KCNIP4: variants seen among roughly 807,000 people sequenced by gnomAD.
KCNIP4 encodes Kv channel-interacting protein 4.
Under a neutral mutation model 34.0 loss-of-function variants are expected in KCNIP4, and 12 were observed. That is an observed-to-expected ratio of 0.35 (90% confidence interval 0.23 to 0.57). The LOEUF (loss-of-function observed/expected upper bound fraction) is 0.57. KCNIP4 is among the 20% of genes least tolerant of loss of function. The probability of loss-of-function intolerance (pLI) is 0.83; values close to 1 mark genes in which losing one functional copy is unlikely to be tolerated. For synonymous variants in KCNIP4, 124 were observed against 102.2 expected, an observed-to-expected ratio of 1.21 and a Z score of -1.29; for missense variants, 238 against 311.7, an observed-to-expected ratio of 0.76 and a Z score of 1.78.
chr4:21,755,927 A>T (rs903041866), intron 1 of KCNIP4, among the ~76,000 whole-genome samples: 1 of 152,102 alleles, frequency 6.6e-6, no homozygotes, highest in African/African-American at 2.4e-5. Flanking sequence ...AATAAATTGC[A>T]TTTTCCCTTA....
chr4:21,708,296 C>A lies in KCNIP4; in HGVS notation c.61+240275G>T, dbSNP rs73256529. Among the ~76,000 whole-genome samples the A allele has an allele frequency of 4.7e-3, 708 of 152,156 alleles. 4 individuals are homozygous for A. Among genetic ancestry groups the A allele is most frequent in the Non-Finnish European group, 7.5e-3 (512 of 68,004 alleles). Reference sequence around the variant, plus strand: ...ACTTAATTGTATTTACACTCTTACCCATTTTTTCTCAAAGTACAATGTTTG... The same window carrying A: ...ACTTAATTGTATTTACACTCTTACCAATTTTTTCTCAAAGTACAATGTTTG... On this transcript the variant is annotated intron_variant, in intron 1 of 8. Transcript: ENST00000382152.
At chr4:21,205,042 C>G (rs945003922) in intron 1 of KCNIP4, among the ~76,000 whole-genome samples, 1 of 152,158 alleles carries the variant, frequency 6.6e-6, no homozygotes, top group African/African-American at 2.4e-5. Flanking sequence ...CTGTGGCAGA[C>G]TTAACTGTGA....
intron 5 of KCNIP4, among the ~76,000 whole-genome samples, chr4:20,749,036 T>C (rs1466458673): frequency 6.6e-6 from 1 of 151,736 alleles, no homozygotes. Context: ...CACGGGCCTG[T>C]AATCCCAGCT....
At chr4:21,012,975 T>C (rs553842486) in intron 1 of KCNIP4, among the ~76,000 whole-genome samples, 68 of 152,270 alleles carry the variant, frequency 4.5e-4, no homozygotes, top group South Asian at 2.5e-3. Flanking sequence ...ATTACAGTAA[T>C]TTGGGGGTGG....
intron 1 of KCNIP4, among the ~76,000 whole-genome samples, chr4:21,053,584 C>T (rs1011903871): frequency 6.6e-6 from 1 of 152,112 alleles, no homozygotes; most frequent in Non-Finnish European, 1.5e-5. Context: ...TGTCTTTGTT[C>T]TCAGATGACA....
At chr4:20,857,934 C>T (rs75425075) in intron 2 of KCNIP4, among the ~76,000 whole-genome samples, 5,347 of 151,940 alleles carry the variant, frequency 0.035, 124 homozygotes, top group Admixed American at 0.074. Context: ...ATAGGCCGGG[C>T]GTGGTGGCTC....
chr4:21,618,719 G>A (rs780063357), intron 1 of KCNIP4, among the ~76,000 whole-genome samples: 9 of 137,266 alleles, frequency 6.6e-5, no homozygotes, highest in Non-Finnish European at 1.2e-4. Flanking sequence ...TGCAAGCTCC[G>A]CCTCCCGGGT....
chr4:21,467,553 T>C (rs181444845), intron 1 of KCNIP4, among the ~76,000 whole-genome samples: 1 of 152,176 alleles, frequency 6.6e-6, no homozygotes, highest in Non-Finnish European at 1.5e-5. Context: ...TGCAAAAAGA[T>C]AAAAGGAAGG....
intron 1 of KCNIP4, among the ~76,000 whole-genome samples, chr4:21,525,553 C>T (rs930949699): frequency 1.2e-4 from 19 of 152,234 alleles, no homozygotes; most frequent in African/African-American, 4.3e-4. Flanking sequence ...AAATAATTTA[C>T]TCATTGGTAT....
chr4:20,943,621 A>G (rs1731888960), intron 1 of KCNIP4, among the ~76,000 whole-genome samples: 1 of 152,192 alleles, frequency 6.6e-6, no homozygotes, highest in Non-Finnish European at 1.5e-5. Context: ...AACTGAGCTC[A>G]GAGAGGAAAA....
At chr4:21,061,327 C>A (rs149179687) in intron 1 of KCNIP4, among the ~76,000 whole-genome samples, 266 of 152,128 alleles carry the variant, frequency 1.7e-3, no homozygotes, top group African/African-American at 6.2e-3. Context: ...TAATTCTAGA[C>A]CCTCCCATTT....
At chr4:21,890,879 G>A (rs1411626401) in intron 1 of KCNIP4, among the ~76,000 whole-genome samples, 1 of 152,072 alleles carries the variant, frequency 6.6e-6, no homozygotes, top group African/African-American at 2.4e-5. Flanking sequence ...GAAACATAGG[G>A]TTTATTAAGA....
chr4:21,882,089 T>A (rs578036910), intron 1 of KCNIP4, among the ~76,000 whole-genome samples: 6 of 152,206 alleles, frequency 3.9e-5, no homozygotes, highest in Non-Finnish European at 8.8e-5. Flanking sequence ...TGTGTCTTCA[T>A]ATGAAAGTGA....
At chr4:21,591,458 G>A (rs567403679) in intron 1 of KCNIP4, among the ~76,000 whole-genome samples, 50 of 151,960 alleles carry the variant, frequency 3.3e-4, no homozygotes, top group Non-Finnish European at 6.6e-4. Flanking sequence ...TTGTAACTAC[G>A]TAAATTAAAA....
Position 21,028,539 on chromosome 4 carries a change from C to A in KCNIP4, c.62-145830G>T, listed in dbSNP as rs1310198545. On this transcript the variant is annotated intron_variant, in intron 1 of 8. Transcript: ENST00000382152. ...CTGTAGTAAAGGAGTGAAAAGTAAA[C>A]ATGATTCCCAGAGGCAGTTAGTGAG... 2.3e-4 allele frequency among the ~76,000 whole-genome samples: 35 copies of A among 152,168 alleles called. 1 individual carries two copies. Among genetic ancestry groups the A allele is most frequent in the Admixed American group, 2.1e-3 (32 of 15,282 alleles).
At chr4:21,493,643 T>C (rs1732598649) in intron 1 of KCNIP4, among the ~76,000 whole-genome samples, 2 of 152,148 alleles carry the variant, frequency 1.3e-5, no homozygotes, top group Admixed American at 1.3e-4. Context: ...TTTCTCTCCA[T>C]CTAGCAGACA....
At chr4:21,714,757 A>G (rs1714019569) in intron 1 of KCNIP4, among the ~76,000 whole-genome samples, 1 of 151,268 alleles carries the variant, frequency 6.6e-6, no homozygotes, top group African/African-American at 2.4e-5. Flanking sequence ...AATGGATATT[A>G]TAAAGAATGT....
chr4:21,648,526 G>T (rs1206780723), intron 1 of KCNIP4, among the ~76,000 whole-genome samples: 3 of 152,174 alleles, frequency 2.0e-5, no homozygotes, highest in East Asian at 3.9e-4. Context: ...TGCCTGAAAT[G>T]GAAAGAACTA....
intron 1 of KCNIP4, among the ~76,000 whole-genome samples, chr4:20,884,850 G>C (rs1725108686): frequency 6.6e-6 from 1 of 151,886 alleles, no homozygotes; most frequent in African/African-American, 2.4e-5. Context: ...ACAGGTGCAT[G>C]CCACCATGCC....
Sources: allele counts gnomAD v4.1 joint callset (sites outside exome capture counted in the v4.1 genomes callset), GRCh38; gene constraint gnomAD v4.1.1; transcripts MANE v1.5; gene names NCBI Gene and HGNC (gene_info 2026-07-23, HGNC 2026-07-21).